Variants in PBRM1 observed in about 807,000 individuals in gnomAD.
PBRM1 encodes the protein polybromo 1, also known as protein polybromo-1.
In PBRM1, 27 loss-of-function variants were observed where a neutral mutation model predicts 194.5. The ratio of observed to expected loss-of-function variants is 0.14; its 90% CI spans 0.10 to 0.19. The LOEUF (loss-of-function observed/expected upper bound fraction) is 0.19. PBRM1 is among the 10% of genes least tolerant of loss of function. The probability of loss-of-function intolerance (pLI) is 1.00; values close to 1 mark genes in which losing one functional copy is unlikely to be tolerated. For synonymous variants in PBRM1, 655 were observed against 693.2 expected (o/e 0.94, Z 0.87); for missense variants, 1,466 against 2,077.2 (o/e 0.71, Z 5.72).
intron 7 of PBRM1, 40 bp downstream of exon 8, chr3:52,648,304 T>A (rs750864522): frequency 8.7e-7 from 1 of 1,146,384 alleles, no homozygotes. Context: ...TATCTACTAT[T>A]ACCAAGGAAA....
chr3:52,551,145 G>C (rs564156411), intron 27 of PBRM1, among the ~76,000 whole-genome samples: 130 of 152,300 alleles, frequency 8.5e-4, no homozygotes, highest in Non-Finnish European at 1.8e-3. Flanking sequence ...TTTTTCTTCT[G>C]ACAACACATT....
intron 22 of PBRM1, among the ~76,000 whole-genome samples, chr3:52,571,874 A>C (rs1464648124): frequency 2.0e-5 from 3 of 147,264 alleles, no homozygotes; most frequent in Non-Finnish European, 3.0e-5. Flanking sequence ...AAAAAAAAAA[A>C]AAAAAAAAAA....
At position 52,582,187 on chromosome 3, in the gene PBRM1, A is replaced by G. The variant is rs1382259315; in HGVS notation, c.3388-2988T>C. 4.9e-5 allele frequency among the ~76,000 whole-genome samples: 7 copies of G among 143,804 alleles called. No individual in the cohort carries two copies. In the South Asian group the frequency reaches 1.2e-3, roughly 25 times the overall value. The allele number at this position is 143,804 out of a possible 152,430, so 94.3% of individuals were successfully genotyped here. ...AACCTGGGAAGTGGAGGCTGCAGTG[A>G]GCTGAGATTGCGCCACTGCACTCCA... is the stretch of plus-strand genomic sequence containing the variant. On this transcript the variant is annotated intron_variant, in intron 20 of 29. Transcript: ENST00000296302.
At chr3:52,608,654 C>A in intron 16 of PBRM1, among the ~76,000 whole-genome samples, 1 of 150,324 alleles carries the variant, frequency 6.7e-6, no homozygotes, top group African/African-American at 2.4e-5. Flanking sequence ...TATATTTTTC[C>A]AACTGTCTCT....
chr3:52,644,582 A>C, intron 8 of PBRM1, 122 bp downstream of exon 9: 2 of 427,372 alleles, frequency 4.7e-6, no homozygotes. Context: ...ATGGGGTTTC[A>C]CCATGTTGGC....
intron 14 of PBRM1, among the ~76,000 whole-genome samples, chr3:52,616,950 C>A (rs776343061): frequency 6.6e-5 from 10 of 152,126 alleles, no homozygotes; most frequent in Non-Finnish European, 1.3e-4. Context: ...AATCCTACAA[C>A]AACCCTGATG....
intron 17 of PBRM1, among the ~76,000 whole-genome samples, chr3:52,596,724 C>A (rs1225076840): frequency 6.6e-6 from 1 of 152,036 alleles, no homozygotes; most frequent in Non-Finnish European, 1.5e-5. Flanking sequence ...AGCTGCAAGG[C>A]AAAGACCTCT....
chr3:52,673,762 G>A (rs1333040986), intron 2 of PBRM1, among the ~76,000 whole-genome samples: 4 of 143,410 alleles, frequency 2.8e-5, no homozygotes, highest in Non-Finnish European at 3.1e-5. Context: ...ATAATAAATA[G>A]AAAGGAGGGC....
At chr3:52,645,107 AGTGG>A (rs2096250078) in intron 7 of PBRM1, among the ~76,000 whole-genome samples, 1 of 152,196 alleles carries the variant, frequency 6.6e-6, no homozygotes, top group African/African-American at 2.4e-5. Context: ...CAAGACCCCC[AGTGG>A]ATGCCTGAAA....
intron 13 of PBRM1, among the ~76,000 whole-genome samples, chr3:52,622,160 CA>C (rs2095303609): frequency 6.6e-6 from 1 of 152,006 alleles, no homozygotes; most frequent in South Asian, 2.1e-4. Flanking sequence ...GCCAACATGG[CA>C]AATCCTGTCT....
chr3:52,640,645 C>A (rs1302144786), intron 10 of PBRM1, among the ~76,000 whole-genome samples: 1 of 148,566 alleles, frequency 6.7e-6, no homozygotes, highest in African/African-American at 2.5e-5. Flanking sequence ...CATATAACCT[C>A]TTTTTCTTCC....
chr3:52,654,289 C>A (rs2096566561), intron 5 of PBRM1, among the ~76,000 whole-genome samples: 1 of 152,172 alleles, frequency 6.6e-6, no homozygotes, highest in African/African-American at 2.4e-5. Context: ...CCTAAGCTTA[C>A]CACTACTTTC....
intron 22 of PBRM1, among the ~76,000 whole-genome samples, chr3:52,569,785 GTTAT>G (rs1249417250): frequency 6.6e-6 from 1 of 152,128 alleles, no homozygotes; most frequent in Non-Finnish European, 1.5e-5. Flanking sequence ...TAATAGGTTT[GTTAT>G]TTATTTATAT....
intron 4 of PBRM1, among the ~76,000 whole-genome samples, chr3:52,660,622 C>T: frequency 6.6e-6 from 1 of 152,052 alleles, no homozygotes; most frequent in Non-Finnish European, 1.5e-5. Flanking sequence ...AAGCGATTCT[C>T]CTGCCTCAGC....
chr3:52,557,506 T>C (rs972471805), intron 26 of PBRM1, among the ~76,000 whole-genome samples: 1 of 152,126 alleles, frequency 6.6e-6, no homozygotes, highest in African/African-American at 2.4e-5. Flanking sequence ...TCTGCAGACT[T>C]CTCATTGGAG....
At chr3:52,591,114 T>G (rs187864816) in intron 17 of PBRM1, among the ~76,000 whole-genome samples, 220 of 152,346 alleles carry the variant, frequency 1.4e-3, no homozygotes, top group African/African-American at 5.2e-3. Flanking sequence ...TGATTGTGTA[T>G]CCTGACACTT....
downstream of PBRM1, chr3:52,546,247 T>C: frequency 4.3e-6 from 1 of 233,092 alleles, no homozygotes; most frequent in Non-Finnish European, 8.5e-6. Context: ...TTTGGTGTAA[T>C]TCAAGGATGT....
intron 11 of PBRM1, among the ~76,000 whole-genome samples, chr3:52,631,817 G>A (rs1019479298): frequency 6.6e-6 from 1 of 152,136 alleles, no homozygotes; most frequent in Non-Finnish European, 1.5e-5. Flanking sequence ...TTTCCTGAAA[G>A]CAATAAATAT....
chr3:52,641,465 A>AAAAAAAAAG (rs2096081025), intron 10 of PBRM1, among the ~76,000 whole-genome samples: 5 of 131,268 alleles, frequency 3.8e-5, no homozygotes, highest in African/African-American at 1.8e-4. Flanking sequence ...AAAAAAAAAG[A>AAAAAAAAAG]AAAAAAAAAG....
Sources: gnomAD v4.1 joint callset for allele counts (sites outside exome capture counted in the v4.1 genomes callset) on GRCh38, gnomAD v4.1.1 for gene constraint, MANE v1.5 for transcripts, NCBI Gene and HGNC (gene_info 2026-07-23, HGNC 2026-07-21) for gene names.